FREM2: variants seen among roughly 807,000 people sequenced by gnomAD.
The protein encoded by FREM2 is FRAS1 related extracellular matrix 2.
FREM2 carries 119 observed loss-of-function variants against 219.9 expected under a neutral mutation model. The observed-to-expected ratio is 0.54, with a 90% CI of 0.47 to 0.63. The LOEUF is 0.63. Ranked by LOEUF, FREM2 falls within the 30% of genes least tolerant of loss-of-function variation. The pLI is 0.00. For missense variants in FREM2, 4,030 were observed against 3,993.6 expected (o/e 1.01, Z -0.25); for synonymous variants, 1,562 against 1,522.8 (o/e 1.03, Z -0.60).
At chr13:38,812,681 G>A (rs973471707) in intron 6 of FREM2, among the ~76,000 whole-genome samples, 2 of 152,022 alleles carry the variant, frequency 1.3e-5, no homozygotes, top group African/African-American at 4.8e-5. Context: ...AGGAGTTTGA[G>A]ACCAGCCTGG....
At chr13:38,807,202 T>TATATATATATATATAC (rs1875272117) in intron 6 of FREM2, among the ~76,000 whole-genome samples, 1 of 98,578 alleles carries the variant, frequency 1.0e-5, no homozygotes, top group Non-Finnish European at 2.0e-5. Context: ...TATATATATA[T>TATATATATATATATAC]ATATATATAT....
At chr13:38,874,763 C>T (rs974661631) in intron 18 of FREM2, among the ~76,000 whole-genome samples, 177 bp downstream of exon 18, 2 of 152,104 alleles carry the variant, frequency 1.3e-5, no homozygotes, top group Admixed American at 1.3e-4. Flanking sequence ...CCTCATAATC[C>T]ACAAAATTAT....
intron 11 of FREM2, among the ~76,000 whole-genome samples, chr13:38,853,649 A>G (rs1283274754): frequency 6.6e-6 from 1 of 152,254 alleles, no homozygotes; most frequent in East Asian, 1.9e-4. Context: ...TTCTTTCCAT[A>G]TAATGGTTAT....
At chr13:38,841,067 A>C (rs1004836500) in intron 6 of FREM2, among the ~76,000 whole-genome samples, 1 of 152,168 alleles carries the variant, frequency 6.6e-6, no homozygotes, top group Non-Finnish European at 1.5e-5. Flanking sequence ...CCTGATGTAC[A>C]GCACAACTTT....
chr13:38,774,954 C>T (rs1235955590), intron 4 of FREM2, among the ~76,000 whole-genome samples: 1 of 152,108 alleles, frequency 6.6e-6, no homozygotes, highest in Non-Finnish European at 1.5e-5. Context: ...GGCCAGGAAC[C>T]AGTGGATTAA....
chr13:38,743,604 G>C (rs926012965), intron 2 of FREM2, among the ~76,000 whole-genome samples: 2 of 152,108 alleles, frequency 1.3e-5, no homozygotes, highest in Non-Finnish European at 2.9e-5. Context: ...AGAAAGTCTT[G>C]TACTTCTCAA....
chr13:38,841,938 G>A (rs747875511), intron 6 of FREM2, among the ~76,000 whole-genome samples: 8 of 152,182 alleles, frequency 5.3e-5, no homozygotes, highest in African/African-American at 1.4e-4. Context: ...GGGGACATAC[G>A]CACAGTGATG....
At chr13:38,766,983 A>G (rs1263918929) in intron 3 of FREM2, among the ~76,000 whole-genome samples, 2 of 152,182 alleles carry the variant, frequency 1.3e-5, no homozygotes, top group African/African-American at 2.4e-5. Context: ...CTACTTCCCA[A>G]TACCCTACCT....
intron 6 of FREM2, among the ~76,000 whole-genome samples, chr13:38,813,555 C>G (rs1467082351): frequency 4.4e-5 from 1 of 22,542 alleles, no homozygotes; most frequent in Non-Finnish European, 7.5e-5. Flanking sequence ...CTCTCTCTCT[C>G]TCTCTCTCTA....
intron 1 of FREM2, among the ~76,000 whole-genome samples, chr13:38,693,954 C>T (rs1324086568): frequency 2.0e-5 from 3 of 152,092 alleles, no homozygotes; most frequent in African/African-American, 7.2e-5. Flanking sequence ...TGCCGTCTTA[C>T]ACTGGTTTAT....
chr13:38,862,580 G>C (rs113926546), intron 15 of FREM2, among the ~76,000 whole-genome samples: 1 of 152,202 alleles, frequency 6.6e-6, no homozygotes, highest in Non-Finnish European at 1.5e-5. Flanking sequence ...AAGTGTAGTT[G>C]AGGCTGACCA....
intron 2 of FREM2, among the ~76,000 whole-genome samples, chr13:38,715,503 A>G (rs927311696): frequency 2.0e-5 from 3 of 152,140 alleles, no homozygotes; most frequent in African/African-American, 7.2e-5. Flanking sequence ...ACTTGCCAAG[A>G]GTCTGTGGAA....
intron 6 of FREM2, among the ~76,000 whole-genome samples, chr13:38,798,410 T>G (rs914598992): frequency 6.6e-6 from 1 of 152,158 alleles, no homozygotes; most frequent in African/African-American, 2.4e-5. Context: ...TCAGGGATAT[T>G]GGCCTATAGT....
intron 4 of FREM2, among the ~76,000 whole-genome samples, chr13:38,770,119 C>T (rs1873602169): frequency 1.4e-5 from 2 of 146,672 alleles, no homozygotes; most frequent in Non-Finnish European, 3.0e-5. Context: ...TTTCATATTA[C>T]CAGAAAATCT....
chr13:38,804,451 T>A lies in FREM2; in HGVS notation c.6019+19643T>A, dbSNP rs548327405. On this transcript the variant is annotated intron_variant, in intron 6 of 23. Transcript: ENST00000280481. The stretch of plus-strand genomic sequence containing the variant: ...TATCCAATGTCAAAAACTACATGCA[T>A]GTAGCAAATCTTTGCTCTGCACATA... Among the ~76,000 whole-genome samples the A allele has an allele frequency of 1.1e-4, 16 of 152,188 alleles. No homozygotes were observed. In the South Asian group the frequency reaches 2.1e-3, roughly 20 times the overall value.
chr13:38,823,212 C>G (rs1196068358), intron 6 of FREM2, among the ~76,000 whole-genome samples: 2 of 151,912 alleles, frequency 1.3e-5, no homozygotes, highest in African/African-American at 4.8e-5. Context: ...TATTTTTCCT[C>G]GTCTGAACTG....
At position 38,687,977 on chromosome 13, in the gene FREM2, C is replaced by G. The variant is rs769480074; in HGVS notation, c.633C>G (p.Pro211=). The stretch of plus-strand genomic sequence containing the variant: ...GGAGCCTGGAGTTCGCCTTCCAGCC[C>G]GAGACAGAGGAGTGCCGCGTGGGCA... ...DARSLEFAFQ[P]ETEECRVGIL... Residue 211 remains proline, a synonymous_variant, in exon 1 of 24, where the codon CCC becomes CCG. Coordinates refer to ENST00000280481, the MANE Select transcript of FREM2 (RefSeq NM_207361.6). 3.1e-6 allele frequency: 5 copies of G among 1,612,858 alleles called. No homozygotes were observed. Among genetic ancestry groups the G allele is most frequent in the South Asian group, 1.1e-5 (1 of 90,888 alleles).
chr13:38,700,858 T>G (rs1372398713), intron 2 of FREM2, among the ~76,000 whole-genome samples: 1 of 152,088 alleles, frequency 6.6e-6, no homozygotes, highest in Non-Finnish European at 1.5e-5. Flanking sequence ...GAAGTCAGAG[T>G]AGGATCTGCT....
intron 6 of FREM2, among the ~76,000 whole-genome samples, chr13:38,834,139 G>T (rs1417957228): frequency 6.6e-6 from 1 of 152,002 alleles, no homozygotes; most frequent in Non-Finnish European, 1.5e-5. Flanking sequence ...ATCTACATTA[G>T]GTATTTCTCC....
Sources: gnomAD v4.1 joint callset for allele counts (sites outside exome capture counted in the v4.1 genomes callset) on GRCh38, gnomAD v4.1.1 for gene constraint, MANE v1.5 for transcripts, NCBI Gene and HGNC (gene_info 2026-07-23, HGNC 2026-07-21) for gene names.